The following ANKS6 variants were observed in gnomAD, a reference collection of about 807,000 sequenced individuals.
ANKS6 encodes ankyrin repeat and SAM domain-containing protein 6.
In ANKS6, 47 loss-of-function variants were observed where a neutral mutation model predicts 77.9. The observed-to-expected ratio is 0.60, with a 90% CI of 0.48 to 0.77. ANKS6 has a LOEUF of 0.77. Ranked by LOEUF, ANKS6 falls within the 30% of genes least tolerant of loss-of-function variation. The probability of loss-of-function intolerance (pLI) is 0.00; values close to 1 mark genes in which losing one functional copy is unlikely to be tolerated. For missense variants in ANKS6, 1,150 were observed against 1,159.1 expected (o/e 0.99, Z 0.11); for synonymous variants, 488 against 501.7 (o/e 0.97, Z 0.37).
chr9:98,781,101 T>C (rs1049616236), intron 5 of ANKS6, among the ~76,000 whole-genome samples: 2 of 152,180 alleles, frequency 1.3e-5, no homozygotes, highest in Admixed American at 1.3e-4. Context: ...GGTTTCGTCA[T>C]GTTGGCCAGG....
chr9:98,758,375 C>T (rs1832832819), intron 11 of ANKS6, among the ~76,000 whole-genome samples: 1 of 145,366 alleles, frequency 6.9e-6, no homozygotes, highest in Non-Finnish European at 1.5e-5. Flanking sequence ...TACTTTCTGA[C>T]ACCACAAAAT....
intron 5 of ANKS6, 90 bp downstream of exon 5, chr9:98,782,376 TA>T: frequency 8.2e-7 from 1 of 1,220,800 alleles, no homozygotes; most frequent in Non-Finnish European, 1.2e-6. Flanking sequence ...AGCAAGTGCT[TA>T]AAACACAAGT....
chr9:98,778,503 C>T (rs1834046396), intron 6 of ANKS6, 79 bp from the exon 7 acceptor site: 1 of 1,380,872 alleles, frequency 7.2e-7, no homozygotes, highest in African/African-American at 1.4e-5. Flanking sequence ...AGCCCAGAGA[C>T]AGTGACTACA....
In ANKS6 at chr9:98,788,283, G is replaced by A. The variant is rs1221784445; in HGVS notation, c.862+1821C>T. Among the ~76,000 whole-genome samples the A allele has an allele frequency of 2.0e-5, 3 of 152,210 alleles. No homozygotes were observed. In the East Asian group the frequency reaches 5.8e-4, roughly 29 times the overall value. On this transcript the variant is annotated intron_variant, in intron 2 of 14. Transcript: ENST00000353234. The stretch of plus-strand genomic sequence containing the variant: ...GGAGAACGCATGCACAACAGAAGAG[G>A]CACAGCTCGGCAGGCACGGGCAGGT...
rs192202574 is a variant in ANKS6, at chr9:98,759,624, C to T, written c.2143-3021G>A. On this transcript the variant is annotated intron_variant, in intron 11 of 14. Coordinates refer to ENST00000353234, the MANE Select transcript of ANKS6 (RefSeq NM_173551.5). ...CTCACAGAATTCAGGGAAACACTTA[C>T]TTACATTTATGGGTTTATATGGATT... Among the ~76,000 whole-genome samples, 951 of 152,282 alleles carry T rather than the reference C, an allele frequency of 6.2e-3. 4 individuals carry two copies. The highest frequency in any genetic ancestry group is 7.3e-3 in the Non-Finnish European group (497 of 68,030).
Position 98,788,513 on chromosome 9 carries a change from T to A in ANKS6, c.862+1591A>T, listed in dbSNP as rs7847147. ...TTTAAAGGAGAGCAATGGCCTTGTG[T>A]CAAAAACAAAAACAAAACAAAACCC... On this transcript the variant is annotated intron_variant, in intron 2 of 14. Coordinates refer to ENST00000353234, the MANE Select transcript of ANKS6 (RefSeq NM_173551.5). Among the ~76,000 whole-genome samples the A allele has an allele frequency of 7.5e-3, 1,136 of 152,238 alleles. 12 individuals are homozygous for A. Among genetic ancestry groups the A allele is most frequent in the African/African-American group, 0.026 (1,066 of 41,530 alleles).
intron 14 of ANKS6, among the ~76,000 whole-genome samples, chr9:98,743,733 G>A (rs978445435): frequency 3.9e-5 from 6 of 152,160 alleles, no homozygotes; most frequent in African/African-American, 1.2e-4. Context: ...TGTGGCTTTC[G>A]TAAGGATTAA....
intron 5 of ANKS6, 149 bp from the exon 6 acceptor site, chr9:98,780,486 C>G (rs760992537): frequency 3.6e-5 from 35 of 982,714 alleles, no homozygotes; most frequent in Admixed American, 5.9e-5. Context: ...GCCTCTCCAT[C>G]TGATCTTCAA....
At chr9:98,777,268 CACT>C (rs1833965880) in intron 8 of ANKS6, 134 bp downstream of exon 8, 1 of 910,592 alleles carries the variant, frequency 1.1e-6, no homozygotes, top group Admixed American at 2.1e-5. Context: ...GAGCTAAGCC[CACT>C]GTTACACATT....
chr9:98,774,064 GGA>G lies in ANKS6; in HGVS notation c.1632_1633del (p.Leu546HisfsTer6). 1 of 1,507,852 alleles carries G rather than the reference GGA, an allele frequency of 6.6e-7. No homozygotes were observed. Among genetic ancestry groups the G allele is most frequent in the Non-Finnish European group, 8.9e-7 (1 of 1,123,432 alleles). The allele number at this position is 1,507,852 out of a possible 1,614,324, so 93.4% of individuals were successfully genotyped here. A position where few individuals can be genotyped will look rare whatever the true frequency, so the allele number is the denominator to read the frequency against. ...CTTGTCACTCGGGAGTCTGGTGAGGGGAGCTCCGTTTCGAAGCTGAAAAAGAC... is the reference window on the plus strand; with the variant it reads ...CTTGTCACTCGGGAGTCTGGTGAGGGGCTCCGTTTCGAAGCTGAAAAAGAC... On this transcript the variant is annotated frameshift_variant, in exon 9 of 15. Transcript: ENST00000353234. LOFTEE classifies it high-confidence loss of function.
chr9:98,738,011 C>G (rs574971840), intron 14 of ANKS6, among the ~76,000 whole-genome samples: 2 of 152,286 alleles, frequency 1.3e-5, no homozygotes, highest in South Asian at 4.1e-4. Flanking sequence ...ACCAATGGTG[C>G]TGGGATAACT....
chr9:98,733,644 C>G lies in ANKS6; in HGVS notation c.*2875G>C, dbSNP rs1831323378. The G allele has an allele frequency of 1.0e-6, 1 of 985,316 alleles. No individual in the cohort carries two copies. The highest frequency in any genetic ancestry group is 1.2e-6 in the Non-Finnish European group (1 of 829,956). The allele number at this position is 985,316 out of a possible 1,614,324, so 61.0% of individuals were successfully genotyped here. A position where few individuals can be genotyped will look rare whatever the true frequency, so the allele number is the denominator to read the frequency against. The stretch of plus-strand genomic sequence containing the variant: ...AGGAATTCCAGTCTTGCAAAAGCAC[C>G]TTGGAGAAGTGATGAGAGTAATGTG... On this transcript the variant is annotated 3_prime_UTR_variant, in exon 15 of 15. Coordinates refer to ENST00000353234, the MANE Select transcript of ANKS6 (RefSeq NM_173551.5).
At chr9:98,769,609 C>G (rs143017157) in intron 10 of ANKS6, among the ~76,000 whole-genome samples, 170 of 152,300 alleles carry the variant, frequency 1.1e-3, no homozygotes, top group Middle Eastern at 0.01. Context: ...AAGAAAAAAG[C>G]AAGTTACAGA....
At chr9:98,747,253 T>C (rs1832185317) in intron 13 of ANKS6, among the ~76,000 whole-genome samples, 1 of 151,582 alleles carries the variant, frequency 6.6e-6, no homozygotes. Context: ...TATTCCCTCA[T>C]ACCTAACAAG....
rs1588303061 is a variant in ANKS6, at chr9:98,733,658, G to A, written c.*2861C>T. On this transcript the variant is annotated 3_prime_UTR_variant, in exon 15 of 15. Transcript: ENST00000353234. Reference sequence around the variant, plus strand: ...TGCAAAAGCACCTTGGAGAAGTGATGAGAGTAATGTGGGAGATGCTATGAG... The same window carrying A: ...TGCAAAAGCACCTTGGAGAAGTGATAAGAGTAATGTGGGAGATGCTATGAG... 1 of 985,478 alleles carries A rather than the reference G, an allele frequency of 1.0e-6. No homozygotes were observed. Among genetic ancestry groups the A allele is most frequent in the Non-Finnish European group, 1.2e-6 (1 of 829,946 alleles). The allele number at this position is 985,478 out of a possible 1,614,324, so 61.0% of individuals were successfully genotyped here.
At chr9:98,740,259 C>T (rs1417357759) in intron 14 of ANKS6, among the ~76,000 whole-genome samples, 1 of 152,110 alleles carries the variant, frequency 6.6e-6, no homozygotes, top group Admixed American at 6.6e-5. Context: ...CTCGAGAGGA[C>T]AGTAAGATTC....
intron 11 of ANKS6, among the ~76,000 whole-genome samples, chr9:98,758,760 T>A (rs1832853078): frequency 6.6e-6 from 1 of 152,254 alleles, no homozygotes; most frequent in Non-Finnish European, 1.5e-5. Context: ...CAGTAAAAAC[T>A]TTGCTACTTA....
In ANKS6 at chr9:98,735,815, A is replaced by G. The variant is rs1017308085; in HGVS notation, c.*704T>C. On this transcript the variant is annotated 3_prime_UTR_variant, in exon 15 of 15. Transcript: ENST00000353234. ...AATGCGTTTGACATACACATCTCCAATGTAAGCTGTATGCAGCAGGTGCAG... is the reference window on the plus strand; with the variant it reads ...AATGCGTTTGACATACACATCTCCAGTGTAAGCTGTATGCAGCAGGTGCAG... 3.2e-6 allele frequency: 4 copies of G among 1,231,604 alleles called. No individual in the cohort carries two copies. The highest frequency in any genetic ancestry group is 4.0e-6 in the Non-Finnish European group (4 of 987,966). The allele number at this position is 1,231,604 out of a possible 1,614,324, so 76.3% of individuals were successfully genotyped here.
At chr9:98,757,563 T>C (rs986336197) in intron 11 of ANKS6, among the ~76,000 whole-genome samples, 1 of 152,192 alleles carries the variant, frequency 6.6e-6, no homozygotes, top group Non-Finnish European at 1.5e-5. Context: ...TTACTGGTGA[T>C]GGTAACCTTC....
Sources: gnomAD v4.1 joint callset for allele counts (sites outside exome capture counted in the v4.1 genomes callset) on GRCh38, gnomAD v4.1.1 for gene constraint, MANE v1.5 for transcripts, NCBI Gene and HGNC (gene_info 2026-07-23, HGNC 2026-07-21) for gene names.